Variants in SETDB1 observed in about 807,000 individuals in gnomAD.
SETDB1 encodes the protein SET domain bifurcated histone lysine methyltransferase 1, also known as histone-lysine N-methyltransferase SETDB1.
SETDB1 carries 31 observed loss-of-function variants against 137.4 expected under a neutral mutation model. That is an observed-to-expected ratio of 0.23 (90% CI 0.17 to 0.30). The LOEUF is 0.30. SETDB1 is among the 10% of genes least tolerant of loss of function. The pLI, the probability that SETDB1 is intolerant of heterozygous loss-of-function variation, is 1.00. For missense variants in SETDB1, 1,113 were observed against 1,631.5 expected (o/e 0.68, Z 5.47); for synonymous variants, 548 against 579.9 (o/e 0.95, Z 0.79).
rs148336558 is a variant in SETDB1, at chr1:150,962,719, T to C, written c.3294T>C (p.Asp1098=). ...TGGCTTCTGCTCAGTCCAACCCTGA[T>C]GTAAGTCACCTCAAGCTTATTCAGA... ...RLMASAQSNP[D]DVLTLSSSTE... The change falls in exon 18 of 22, where the codon GAT becomes GAC. Residue 1098 remains aspartate (D), a splice_region_variant and synonymous_variant. Transcript: ENST00000692827. 1 of 1,613,920 alleles carries C rather than the reference T, an allele frequency of 6.2e-7. No individual in the cohort carries two copies.
At chr1:150,937,987 T>C (rs1277687963) in intron 3 of SETDB1, among the ~76,000 whole-genome samples, 1 of 152,058 alleles carries the variant, frequency 6.6e-6, no homozygotes, top group East Asian at 1.9e-4. Context: ...CCTAGCACTT[T>C]GGGAGCCTGA....
chr1:150,964,339 T>C lies in SETDB1; in HGVS notation c.3854T>C (p.Ile1285Thr), dbSNP rs147607619. The C allele has an allele frequency of 1.1e-5, 18 of 1,613,748 alleles. No homozygotes were observed. Among genetic ancestry groups the C allele is most frequent in the East Asian group, 2.2e-5 (1 of 44,888 alleles). The change falls in exon 22 of 22, where the codon ATT (isoleucine) becomes ACT (threonine). Residue 1285 changes from isoleucine to threonine, a missense_variant. Transcript: ENST00000692827. ...GAGCTACTCTGTTGCTGTGGGGCCA[T>C]TGAATGCAGAGGACGTCTTCTTTAG... ...GKELLCCCGA[I>T]ECRGRLL
intron 18 of SETDB1, 70 bp downstream of exon 18, chr1:150,962,789 C>CT: frequency 4.5e-6 from 7 of 1,542,014 alleles, no homozygotes; most frequent in Non-Finnish European, 6.2e-6. Flanking sequence ...TCAAGTCCTT[C>CT]ACTATAATTA....
At chr1:150,937,308 G>A (rs957998007) in intron 3 of SETDB1, among the ~76,000 whole-genome samples, 3 of 152,108 alleles carry the variant, frequency 2.0e-5, no homozygotes, top group Non-Finnish European at 4.4e-5. Context: ...AGCATTCAGT[G>A]GTGGCTGCCA....
chr1:150,942,317 C>T (rs1191873381), intron 5 of SETDB1, among the ~76,000 whole-genome samples: 4 of 150,988 alleles, frequency 2.6e-5, no homozygotes, highest in Admixed American at 2.6e-4. Context: ...TGCCACCTTG[C>T]GTGCCTGTAG....
intron 3 of SETDB1, among the ~76,000 whole-genome samples, chr1:150,933,615 G>C (rs996154036): frequency 6.9e-5 from 9 of 130,678 alleles, no homozygotes; most frequent in Non-Finnish European, 1.2e-4. Flanking sequence ...GACCTTAGGT[G>C]ATCTGTCCAC....
At chr1:150,939,400 T>C (rs1203509865) in intron 3 of SETDB1, among the ~76,000 whole-genome samples, 2 of 152,104 alleles carry the variant, frequency 1.3e-5, no homozygotes, top group Non-Finnish European at 2.9e-5. Flanking sequence ...CAGTCTCAGC[T>C]CGTTGCAGCC....
At chr1:150,932,475 A>C (rs1669791163) in intron 3 of SETDB1, among the ~76,000 whole-genome samples, 1 of 152,102 alleles carries the variant, frequency 6.6e-6, no homozygotes, top group Non-Finnish European at 1.5e-5. Context: ...AAAATCTTTT[A>C]TTTTGGAATA....
chr1:150,963,190 G>T, intron 19 of SETDB1, 51 bp downstream of exon 19: 1 of 1,529,778 alleles, frequency 6.5e-7, no homozygotes, highest in African/African-American at 1.4e-5. Flanking sequence ...AAGAAACTTG[G>T]GATAGAGCAT....
intron 14 of SETDB1, among the ~76,000 whole-genome samples, chr1:150,953,053 A>G (rs1180104054): frequency 6.6e-6 from 1 of 152,218 alleles, no homozygotes; most frequent in Non-Finnish European, 1.5e-5. Context: ...CAATGTTGAT[A>G]ATAGAGAAGG....
chr1:150,957,977 G>A (rs1040971018), intron 14 of SETDB1, among the ~76,000 whole-genome samples: 8 of 152,014 alleles, frequency 5.3e-5, no homozygotes, highest in African/African-American at 1.2e-4. Flanking sequence ...ACATGAGGTC[G>A]GGAATTCGAG....
At chr1:150,961,392 C>T (rs1291460066) in intron 16 of SETDB1, 32 of 567,044 alleles carry the variant, frequency 5.6e-5, no homozygotes, top group Non-Finnish European at 9.0e-5. Flanking sequence ...GTGGCTCACA[C>T]CTGTAATCCC....
intron 3 of SETDB1, among the ~76,000 whole-genome samples, chr1:150,935,734 C>CAAGAGAA (rs1669925375): frequency 6.6e-6 from 1 of 152,118 alleles, no homozygotes; most frequent in Admixed American, 6.6e-5. Flanking sequence ...TTGAGATTCT[C>CAAGAGAA]TTGTTGATTA....
At chr1:150,934,804 C>T (rs910218282) in intron 3 of SETDB1, among the ~76,000 whole-genome samples, 22 of 150,664 alleles carry the variant, frequency 1.5e-4, no homozygotes, top group African/African-American at 5.4e-4. Context: ...CCTCAATCTT[C>T]GTTTACCCAG....
At position 150,941,441 on chromosome 1, in the gene SETDB1, A is replaced by C; in HGVS notation, c.547+13A>C. 6.6e-7 allele frequency: 1 copy of C among 1,507,894 alleles called. No homozygotes were observed. The highest frequency in any genetic ancestry group is 9.2e-7 in the Non-Finnish European group (1 of 1,083,360). 93.4% of individuals were successfully genotyped at this position (1,507,894 alleles called of 1,614,324 possible). A position where few individuals can be genotyped will look rare whatever the true frequency, so the allele number is the denominator to read the frequency against. On this transcript the variant is annotated intron_variant, in intron 5 of 21. Transcript: ENST00000692827. Reference sequence around the variant, plus strand: ...GATCTGCATAAAGGTTAGGGTCAAGAAATACCTGGGTACAGATGGGAGGTG... The same window carrying C: ...GATCTGCATAAAGGTTAGGGTCAAGCAATACCTGGGTACAGATGGGAGGTG...
intron 3 of SETDB1, 61 bp from the exon 4 acceptor site, chr1:150,939,879 A>G: frequency 1.6e-6 from 2 of 1,277,828 alleles, no homozygotes; most frequent in Non-Finnish European, 2.2e-6. Context: ...TTAGTTCTTA[A>G]TTTCCCAGAA....
chr1:150,962,486 T>C lies in SETDB1; in HGVS notation c.3162-101T>C, dbSNP rs1310715346. 5.0e-6 allele frequency: 6 copies of C among 1,189,076 alleles called. No individual in the cohort carries two copies. The African/African-American group carries it at 9.0e-5, about 18-fold the overall frequency. The allele number at this position is 1,189,076 out of a possible 1,614,324, so 73.7% of individuals were successfully genotyped here. On this transcript the variant is annotated intron_variant, in intron 17 of 21. Transcript: ENST00000692827. ...GCTACCGTGTCCAGCCCAGTGCCTG[T>C]CTTTTTGACCTGTCTCCAAATCTGC... is the stretch of plus-strand genomic sequence containing the variant.
In SETDB1 at chr1:150,960,855, C is replaced by A. The variant is rs1480541761; in HGVS notation, c.2796C>A (p.Thr932=). 1.2e-6 allele frequency: 2 copies of A among 1,605,218 alleles called. No homozygotes were observed. The highest frequency in any genetic ancestry group is 1.1e-5 in the South Asian group (1 of 89,558). The change falls in exon 16 of 22, where the codon ACC becomes ACA. Residue 932 remains threonine (T), a synonymous_variant. Transcript: ENST00000692827. ...GGAGCTATGCTACCCGGAGGCAGAC[C>A]CGGGGCCAGAAAGAGAACGGACTCT... ...VWRSYATRRQ[T]RGQKENGLSE...
chr1:150,949,653 G>A (rs1670439921), intron 12 of SETDB1, 128 bp downstream of exon 12: 2 of 739,752 alleles, frequency 2.7e-6, no homozygotes, highest in South Asian at 2.5e-5. Context: ...GACTTGAAAA[G>A]GAAGCTTTAC....
Sources: gnomAD v4.1 joint callset for allele counts (sites outside exome capture counted in the v4.1 genomes callset) on GRCh38, gnomAD v4.1.1 for gene constraint, MANE v1.5 for transcripts, NCBI Gene and HGNC (gene_info 2026-07-23, HGNC 2026-07-21) for gene names.